KIR2DL1: variants seen among roughly 807,000 people sequenced by gnomAD.
KIR2DL1 encodes the protein killer cell immunoglobulin like receptor, two Ig domains and long cytoplasmic tail 1, also known as killer cell immunoglobulin-like receptor 2DL1.
In KIR2DL1, 38 loss-of-function variants were observed where a neutral mutation model predicts 33.9. The ratio of observed to expected loss-of-function variants is 1.12; its 90% CI spans 0.86 to 1.47. The LOEUF (loss-of-function observed/expected upper bound fraction) is 1.47. Ranked by LOEUF, KIR2DL1 falls within the 40% of genes most tolerant of loss-of-function variation. The pLI is 0.00. For missense variants in KIR2DL1, 531 were observed against 433.9 expected (o/e 1.22, Z -1.99); for synonymous variants, 179 against 165.9 (o/e 1.08, Z -0.61).
chr19:54,776,762 T>A lies in KIR2DL1; in HGVS notation c.664+1304T>A, dbSNP rs201538479. The stretch of plus-strand genomic sequence containing the variant: ...TTCAAATGATTTTCCTGCCTCAGCC[T>A]CCCTAGTAGCTGGGATTACAGGTGC... On this transcript the variant is annotated intron_variant, in intron 4 of 7. Coordinates refer to ENST00000336077, the MANE Select transcript of KIR2DL1 (RefSeq NM_014218.3). Among the ~76,000 whole-genome samples, 1,067 of 146,224 alleles carry A rather than the reference T, an allele frequency of 7.3e-3. 59 individuals are homozygous for A. The East Asian group carries it at 0.16, about 21-fold the overall frequency.
chr19:54,772,303 G>A (rs1203515820), intron 2 of KIR2DL1, among the ~76,000 whole-genome samples: 3 of 147,334 alleles, frequency 2.0e-5, no homozygotes, highest in Non-Finnish European at 4.6e-5. Context: ...AGGAAGTCCA[G>A]GAGCCATGAA....
rs1431694481 is a variant in KIR2DL1 at position 54,778,054 on chromosome 19, AG to A, written c.665-557del. Among the ~76,000 whole-genome samples, 2 of 147,612 alleles carry A rather than the reference AG, an allele frequency of 1.4e-5. 1 individual carries two copies. Among genetic ancestry groups the A allele is most frequent in the African/African-American group, 5.0e-5 (2 of 39,912 alleles). On this transcript the variant is annotated intron_variant, in intron 4 of 7. Transcript: ENST00000336077. The stretch of plus-strand genomic sequence containing the variant: ...GGTGGGTGGATCACCTGAGGCCAGG[AG>A]TTCAAGATTAGTCTGGCCAACGTGA...
intron 2 of KIR2DL1, among the ~76,000 whole-genome samples, chr19:54,772,983 T>G (rs1364403158): frequency 6.8e-6 from 1 of 148,006 alleles, no homozygotes; most frequent in Non-Finnish European, 1.5e-5. Context: ...CCAAAAGAGA[T>G]TGAACCAGGC....
chr19:54,778,871 A>G (rs2076652648), intron 5 of KIR2DL1, among the ~76,000 whole-genome samples: 1 of 148,276 alleles, frequency 6.7e-6, no homozygotes, highest in African/African-American at 2.5e-5. Flanking sequence ...TGGAGCTGAG[A>G]CCTCCTACAA....
At chr19:54,770,022 T>C (rs1438964095) in intron 1 of KIR2DL1, 138 bp downstream of exon 1, 27 of 1,027,604 alleles carry the variant, frequency 2.6e-5, no homozygotes, top group South Asian at 2.5e-4. Flanking sequence ...GGCCTAGAGA[T>C]GGAGTGATGG....
In KIR2DL1 at chr19:54,782,950, T is replaced by G. The variant is rs1289133201; in HGVS notation, c.744T>G (p.Ile248Met). ...TGNPRHLHIL[I>M]GTSVVIILFI... ...ACCCCCGACACCTGCACATTCTGAT[T>G]GGGACCTCAGTGGTCATCATCCTCT... The change falls in exon 6 of 8, where the codon ATT (isoleucine) becomes ATG (methionine). Residue 248 changes from isoleucine (I) to methionine (M), a missense_variant. Coordinates refer to ENST00000336077, the MANE Select transcript of KIR2DL1 (RefSeq NM_014218.3). The G allele has an allele frequency of 6.2e-7, 1 of 1,613,810 alleles. No homozygotes were observed. The highest frequency in any genetic ancestry group is 8.5e-7 in the Non-Finnish European group (1 of 1,179,908).
chr19:54,783,524 A>T lies in KIR2DL1; in HGVS notation c.856A>T (p.Thr286Ser). Residue 286 changes from threonine (T) to serine (S), a missense_variant, in exon 7 of 8, where the codon ACA (threonine) becomes TCA (serine). Coordinates refer to ENST00000336077, the MANE Select transcript of KIR2DL1 (RefSeq NM_014218.3). ...GGACCAAGAGTCTGCAGGAAACAGAACAGCGAATAGCGAGGTAGGTACTCC... is the reference window on the plus strand; with the variant it reads ...GGACCAAGAGTCTGCAGGAAACAGATCAGCGAATAGCGAGGTAGGTACTCC... ...VMDQESAGNR[T>S]ANSEDSDEQD... The T allele has an allele frequency of 1.9e-5, 31 of 1,613,790 alleles. No individual in the cohort carries two copies. The highest frequency in any genetic ancestry group is 2.6e-5 in the Non-Finnish European group (31 of 1,179,860).
In KIR2DL1 at chr19:54,775,490, A is replaced by G. The variant is rs371192638; in HGVS notation, c.664+32A>G. 264 of 1,559,922 alleles carry G rather than the reference A, an allele frequency of 1.7e-4. 16 individuals carry two copies. Among genetic ancestry groups the G allele is most frequent in the African/African-American group, 9.0e-4 (66 of 73,350 alleles). ...AAAGCCCATGGCTGTCCCATGTCCT[A>G]TGATCCTAGAGCCTTAGCTGAGGAG... On this transcript the variant is annotated intron_variant, in intron 4 of 7. Transcript: ENST00000336077.
chr19:54,773,604 C>G lies in KIR2DL1; in HGVS notation c.342C>G (p.Pro114=), dbSNP rs1333041007. 4.3e-5 allele frequency: 68 copies of G among 1,577,472 alleles called. No homozygotes were observed. Among genetic ancestry groups the G allele is most frequent in the Non-Finnish European group, 5.7e-5 (66 of 1,151,478 alleles). The change falls in exon 3 of 8, where the codon CCC becomes CCG. Residue 114 remains proline (P), a synonymous_variant. Transcript: ENST00000336077. ...VTHSPYQVSA[P]SDPLDIVIIG... ...ACTCCCCCTATCAGGTGTCAGCTCC[C>G]AGTGACCCTCTGGACATCGTGATCA... is the stretch of plus-strand genomic sequence containing the variant.
intron 4 of KIR2DL1, among the ~76,000 whole-genome samples, chr19:54,776,889 G>T (rs1466542509): frequency 1.4e-5 from 2 of 147,800 alleles, no homozygotes; most frequent in African/African-American, 5.0e-5. Context: ...TGAGGTGCCC[G>T]CCTCAGTCTC....
intron 3 of KIR2DL1, 21 bp from the exon 4 acceptor site, chr19:54,775,144 A>C: frequency 6.4e-7 from 1 of 1,558,282 alleles, no homozygotes; most frequent in Non-Finnish European, 8.7e-7. Context: ...TCCCTGAGGA[A>C]ACTGCCTCTT....
intron 4 of KIR2DL1, among the ~76,000 whole-genome samples, chr19:54,776,084 G>T (rs1486574950): frequency 6.9e-6 from 1 of 145,060 alleles, no homozygotes; most frequent in Non-Finnish European, 1.5e-5. Flanking sequence ...TAGAGAGGTG[G>T]TTTCACCATG....
At chr19:54,780,235 G>A in intron 5 of KIR2DL1, 1 of 461,306 alleles carries the variant, frequency 2.2e-6, no homozygotes, top group South Asian at 2.8e-5. Context: ...ATAATGCTGA[G>A]TGTATGATTT....
At position 54,769,927 on chromosome 19, in the gene KIR2DL1, A is replaced by C. The variant is rs753837858; in HGVS notation, c.34+43A>C. On this transcript the variant is annotated intron_variant, in intron 1 of 7. Coordinates refer to ENST00000336077, the MANE Select transcript of KIR2DL1 (RefSeq NM_014218.3). ...ATAGAGGGAGGGAGTGAGGGGATGG[A>C]GATCTGGGCCCAGAGGTGGAGATAT... 7.7e-6 allele frequency: 12 copies of C among 1,551,664 alleles called. 1 individual carries two copies. In the South Asian group the frequency reaches 1.1e-4, roughly 15 times the overall value.
At chr19:54,782,160 C>G (rs1269809084) in intron 5 of KIR2DL1, among the ~76,000 whole-genome samples, 1 of 151,976 alleles carries the variant, frequency 6.6e-6, no homozygotes, top group Admixed American at 6.5e-5. Flanking sequence ...GCAGCCCAGC[C>G]TGGGTTTTGT....
intron 2 of KIR2DL1, among the ~76,000 whole-genome samples, chr19:54,771,304 C>T (rs1244088316): frequency 6.7e-6 from 1 of 148,758 alleles, no homozygotes; most frequent in East Asian, 1.9e-4. Context: ...CAGGCATCGG[C>T]TGATATTCCA....
At chr19:54,782,614 A>C (rs2077124039) in intron 5 of KIR2DL1, among the ~76,000 whole-genome samples, 1 of 152,078 alleles carries the variant, frequency 6.6e-6, no homozygotes, top group Non-Finnish European at 1.5e-5. Flanking sequence ...TGATGTGTTC[A>C]TGATGGATCC....
intron 3 of KIR2DL1, 102 bp downstream of exon 3, chr19:54,773,734 C>G (rs2076032813): frequency 7.9e-7 from 1 of 1,263,244 alleles, no homozygotes; most frequent in African/African-American, 1.5e-5. Flanking sequence ...GCTTGGTATT[C>G]TTATGGAGAG....
At position 54,783,662 on chromosome 19, in the gene KIR2DL1, A is replaced by T. The variant is rs2077325315; in HGVS notation, c.896A>T (p.Glu299Val). The T allele has an allele frequency of 3.7e-6, 6 of 1,613,902 alleles. No homozygotes were observed. The South Asian group carries it at 6.6e-5, about 18-fold the overall frequency. ...GACTCTGATGAACAAGACCCTCAGG[A>T]GGTGACATACACACAGTTGAATCAC... The part of the protein sequence containing the change: ...SEDSDEQDPQ[E>V]VTYTQLNHCV... Residue 299 changes from glutamate (E) to valine (V), a missense_variant, in exon 8 of 8, where the codon GAG becomes GTG. By Grantham distance (121) the Glu-to-Val change is moderately radical. Coordinates refer to ENST00000336077, the MANE Select transcript of KIR2DL1 (RefSeq NM_014218.3).
Sources: gnomAD v4.1 joint callset for allele counts (sites outside exome capture counted in the v4.1 genomes callset) on GRCh38, gnomAD v4.1.1 for gene constraint, MANE v1.5 for transcripts, NCBI Gene and HGNC (gene_info 2026-07-23, HGNC 2026-07-21) for gene names.